The following CDC42BPA variants were observed in gnomAD, a reference collection of about 807,000 sequenced individuals.
CDC42BPA encodes CDC42 binding protein kinase alpha.
In CDC42BPA, 80 loss-of-function variants were observed where a neutral mutation model predicts 223.5. The observed-to-expected ratio is 0.36, with a 90% CI of 0.30 to 0.43. The LOEUF (loss-of-function observed/expected upper bound fraction) is 0.43. Among genes scored for constraint, CDC42BPA ranks in the 20% least tolerant of loss-of-function variants. The pLI is 1.00. For missense variants in CDC42BPA, 1,743 were observed against 2,099.9 expected, an observed-to-expected ratio of 0.83 and a Z score of 3.32; for synonymous variants, 694 against 718.6, an observed-to-expected ratio of 0.97 and a Z score of 0.55.
intron 1 of CDC42BPA, among the ~76,000 whole-genome samples, chr1:227,289,682 TTAAAA>T (rs1482145282): frequency 6.6e-6 from 1 of 152,106 alleles, no homozygotes; most frequent in Non-Finnish European, 1.5e-5. Flanking sequence ...TAAATATCTG[TTAAAA>T]TAAATGAATT....
intron 21 of CDC42BPA, among the ~76,000 whole-genome samples, chr1:227,061,632 T>C (rs961608628): frequency 6.6e-6 from 1 of 152,232 alleles, no homozygotes; most frequent in African/African-American, 2.4e-5. Context: ...GTTTGTCCTA[T>C]CTGACCAACC....
At chr1:227,303,672 C>T (rs1300140201) in intron 1 of CDC42BPA, among the ~76,000 whole-genome samples, 1 of 152,152 alleles carries the variant, frequency 6.6e-6, no homozygotes, top group Non-Finnish European at 1.5e-5. Context: ...TGAACAGGTC[C>T]TCAGCTTTCA....
intron 5 of CDC42BPA, among the ~76,000 whole-genome samples, chr1:227,191,524 C>A (rs1471586440): frequency 6.6e-6 from 1 of 152,038 alleles, no homozygotes; most frequent in Non-Finnish European, 1.5e-5. Context: ...TCTAACAAGC[C>A]TGGCAGAATG....
chr1:227,253,218 A>AGAGAGAGGAGG (rs944249086), intron 2 of CDC42BPA, among the ~76,000 whole-genome samples: 11 of 148,814 alleles, frequency 7.4e-5, no homozygotes, highest in Non-Finnish European at 1.3e-4. Flanking sequence ...GAGAGAGGAG[A>AGAGAGAGGAGG]GAGAGAGGAG....
At chr1:227,059,700 G>A (rs1024416313) in intron 21 of CDC42BPA, among the ~76,000 whole-genome samples, 1 of 152,174 alleles carries the variant, frequency 6.6e-6, no homozygotes, top group African/African-American at 2.4e-5. Context: ...GGAAAGGTTG[G>A]CAGTAGCAGA....
chr1:227,036,183 T>C (rs1365899890), intron 24 of CDC42BPA, among the ~76,000 whole-genome samples: 1 of 152,156 alleles, frequency 6.6e-6, no homozygotes, highest in Admixed American at 6.5e-5. Context: ...TCTATAACAA[T>C]CTAAGAGAGG....
chr1:227,199,363 T>C (rs1671325537), intron 4 of CDC42BPA, among the ~76,000 whole-genome samples, 194 bp downstream of exon 4: 1 of 151,756 alleles, frequency 6.6e-6, no homozygotes. Context: ...TTAAAAAGCA[T>C]AAAGAATTCC....
In CDC42BPA at chr1:227,117,875, A is replaced by T. The variant is rs1049013705; in HGVS notation, c.1647+1929T>A. 2.6e-4 allele frequency among the ~76,000 whole-genome samples: 40 copies of T among 152,298 alleles called. 1 individual carries two copies. The highest frequency in any genetic ancestry group is 9.4e-4 in the African/African-American group (39 of 41,576). On this transcript the variant is annotated intron_variant, in intron 12 of 36. Coordinates refer to ENST00000366766, the MANE Select transcript of CDC42BPA (RefSeq NM_001394014.1). ...CTGAGAGATATTTGTAACACATATA[A>T]CTCACAAAAGATTAGAATGCCCAAA...
At chr1:227,028,557 A>G (rs1668689867) in intron 30 of CDC42BPA, 100 bp downstream of exon 30, 1 of 802,620 alleles carries the variant, frequency 1.2e-6, no homozygotes, top group African/African-American at 1.7e-5. Context: ...GACTTTTTTA[A>G]AAAACTGTTA....
At chr1:227,280,220 G>A (rs1004165563) in intron 1 of CDC42BPA, among the ~76,000 whole-genome samples, 1 of 152,180 alleles carries the variant, frequency 6.6e-6, no homozygotes, top group African/African-American at 2.4e-5. Flanking sequence ...AGAGTTCTCT[G>A]AAAGAAGACG....
chr1:227,116,420 T>C (rs1572901564), intron 12 of CDC42BPA, among the ~76,000 whole-genome samples: 1 of 152,182 alleles, frequency 6.6e-6, no homozygotes, highest in Admixed American at 6.5e-5. Context: ...TTTAACCTGA[T>C]AAAAATTATT....
intron 2 of CDC42BPA, among the ~76,000 whole-genome samples, chr1:227,221,265 T>C (rs752733454): frequency 2.0e-5 from 3 of 152,154 alleles, no homozygotes; most frequent in Non-Finnish European, 4.4e-5. Flanking sequence ...TTACATCTCC[T>C]CTCCTTCCTG....
intron 35 of CDC42BPA, among the ~76,000 whole-genome samples, chr1:226,997,191 G>A (rs1172090155): frequency 6.6e-6 from 1 of 152,188 alleles, no homozygotes; most frequent in Admixed American, 6.5e-5. Context: ...TTGGGAAGGT[G>A]TATGTGTCCA....
chr1:227,262,339 A>C (rs754129051), intron 1 of CDC42BPA, among the ~76,000 whole-genome samples: 5 of 152,190 alleles, frequency 3.3e-5, no homozygotes, highest in Non-Finnish European at 7.4e-5. Context: ...TCACTGATTT[A>C]CTTCTCTATG....
At chr1:227,053,552 T>G (rs544483993) in intron 21 of CDC42BPA, among the ~76,000 whole-genome samples, 1 of 152,246 alleles carries the variant, frequency 6.6e-6, no homozygotes, top group African/African-American at 2.4e-5. Context: ...GCTGATTTCA[T>G]GAAACTAGTA....
At chr1:227,144,190 T>A (rs991714320) in intron 8 of CDC42BPA, among the ~76,000 whole-genome samples, 1 of 152,132 alleles carries the variant, frequency 6.6e-6, no homozygotes, top group Non-Finnish European at 1.5e-5. Flanking sequence ...AAGATTTTGT[T>A]AAGTCATATA....
chr1:227,127,267 A>C (rs1232423940), intron 11 of CDC42BPA, among the ~76,000 whole-genome samples: 1 of 152,190 alleles, frequency 6.6e-6, no homozygotes, highest in Non-Finnish European at 1.5e-5. Flanking sequence ...ATTATTGTGA[A>C]TGACAGCAAA....
At chr1:227,116,251 A>C (rs1439965853) in intron 12 of CDC42BPA, among the ~76,000 whole-genome samples, 2 of 152,228 alleles carry the variant, frequency 1.3e-5, no homozygotes, top group Non-Finnish European at 2.9e-5. Context: ...ACAGTGGCTT[A>C]ATATTAGAAA....
intron 20 of CDC42BPA, among the ~76,000 whole-genome samples, chr1:227,070,931 C>T (rs568842620): frequency 2.0e-4 from 30 of 151,960 alleles, no homozygotes; most frequent in African/African-American, 7.2e-4. Flanking sequence ...TAGTCTCTCT[C>T]CTATTTGCCA....
Sources: allele counts gnomAD v4.1 joint callset (sites outside exome capture counted in the v4.1 genomes callset), GRCh38; gene constraint gnomAD v4.1.1; transcripts MANE v1.5; gene names NCBI Gene and HGNC (gene_info 2026-07-23, HGNC 2026-07-21).